Variants in NLK observed in about 807,000 individuals in gnomAD.
NLK encodes serine/threonine-protein kinase NLK.
In NLK, 11 loss-of-function variants were observed where a neutral mutation model predicts 59.0. That is an observed-to-expected ratio of 0.19 (90% confidence interval 0.12 to 0.31). NLK has a LOEUF of 0.31. Ranked by LOEUF, NLK falls within the 10% of genes least tolerant of loss-of-function variation. NLK has a pLI of 1.00. For synonymous variants in NLK, 235 were observed against 235.9 expected, an observed-to-expected ratio of 1.00 and a Z score of 0.03; for missense variants, 410 against 661.1, an observed-to-expected ratio of 0.62 and a Z score of 4.16.
chr17:28,135,310 G>A (rs1906697386), intron 3 of NLK, among the ~76,000 whole-genome samples: 1 of 152,218 alleles, frequency 6.6e-6, no homozygotes, highest in Non-Finnish European at 1.5e-5. Flanking sequence ...TTCCCTTGGT[G>A]TTCAAGGTTT....
intron 3 of NLK, among the ~76,000 whole-genome samples, chr17:28,135,518 A>T (rs985582243): frequency 6.6e-6 from 1 of 152,224 alleles, no homozygotes; most frequent in African/African-American, 2.4e-5. Context: ...CCCCAGGTAT[A>T]CTAAGATACT....
chr17:28,159,384 T>C (rs1015290802), intron 3 of NLK, among the ~76,000 whole-genome samples: 1 of 152,162 alleles, frequency 6.6e-6, no homozygotes, highest in Non-Finnish European at 1.5e-5. Flanking sequence ...TGGATAGATG[T>C]GTGACAAAGC....
chr17:28,123,599 G>A (rs2142820513), intron 2 of NLK, among the ~76,000 whole-genome samples: 1 of 152,210 alleles, frequency 6.6e-6, no homozygotes, highest in South Asian at 2.1e-4. Flanking sequence ...GATTTTAAGT[G>A]CTTTATTTTT....
At chr17:28,086,569 T>C (rs936857008) in intron 1 of NLK, among the ~76,000 whole-genome samples, 1 of 152,160 alleles carries the variant, frequency 6.6e-6, no homozygotes, top group Non-Finnish European at 1.5e-5. Context: ...TTAGCAAACC[T>C]ACATAACTGA....
chr17:28,120,337 G>C (rs1905989297), intron 1 of NLK, among the ~76,000 whole-genome samples: 1 of 151,468 alleles, frequency 6.6e-6, no homozygotes, highest in Non-Finnish European at 1.5e-5. Context: ...CAAACTCCTG[G>C]CCTCAAGTGA....
chr17:28,204,636 C>G, the NLK span, among the ~76,000 whole-genome samples: 9 of 152,196 alleles, frequency 5.9e-5, no homozygotes, highest in Non-Finnish European at 1.2e-4. Flanking sequence ...AGTGAAGAAA[C>G]AGACAAAAAC....
intron 2 of NLK, among the ~76,000 whole-genome samples, chr17:28,127,474 C>A (rs564451729): frequency 6.6e-6 from 1 of 152,196 alleles, no homozygotes; most frequent in Non-Finnish European, 1.5e-5. Context: ...ACTGTTGTGC[C>A]GCTAAGGAGT....
chr17:28,187,794 TTTG>T (rs1044727410), intron 8 of NLK, among the ~76,000 whole-genome samples: 23 of 152,262 alleles, frequency 1.5e-4, no homozygotes, highest in African/African-American at 5.1e-4. Flanking sequence ...TTAAATGAAA[TTTG>T]TGGTGTAGTT....
At chr17:28,063,642 A>G (rs1382844703) in intron 1 of NLK, among the ~76,000 whole-genome samples, 4 of 152,178 alleles carry the variant, frequency 2.6e-5, no homozygotes. Context: ...TATATAGTCA[A>G]ACTTGTAGAA....
chr17:28,185,210 G>C lies in NLK; in HGVS notation c.1181G>C (p.Ser394Thr), dbSNP rs780808743. The C allele has an allele frequency of 6.3e-7, 1 of 1,595,110 alleles. No individual in the cohort carries two copies. The highest frequency in any genetic ancestry group is 8.5e-7 in the Non-Finnish European group (1 of 1,169,798). Residue 394 changes from serine to threonine, a missense_variant, in exon 8 of 11, where the codon AGC becomes ACC. This residue lies in a region of NLK where 150 missense variants were observed against 244.3 expected (regional missense o/e 0.61). Coordinates refer to ENST00000407008, the MANE Select transcript of NLK (RefSeq NM_016231.5). Reference sequence around the variant, plus strand: ...CTTCCTGTACTCTATACCCTGTCTAGCCAGGCTACACATGAAGCTGTTCAT... The same window carrying C: ...CTTCCTGTACTCTATACCCTGTCTACCCAGGCTACACATGAAGCTGTTCAT... The part of the protein sequence containing the change: ...PSLPVLYTLS[S>T]QATHEAVHLL...
At chr17:28,066,725 A>G (rs1909834567) in intron 1 of NLK, among the ~76,000 whole-genome samples, 1 of 152,214 alleles carries the variant, frequency 6.6e-6, no homozygotes, top group Non-Finnish European at 1.5e-5. Flanking sequence ...ATTCCCACCA[A>G]CAAGGTATAA....
intron 1 of NLK, among the ~76,000 whole-genome samples, chr17:28,057,327 G>A (rs921758343): frequency 6.6e-6 from 1 of 152,152 alleles, no homozygotes; most frequent in Non-Finnish European, 1.5e-5. Flanking sequence ...GACTTATACA[G>A]TGTTAAGAAA....
At chr17:28,130,286 T>C (rs765493504) in intron 2 of NLK, among the ~76,000 whole-genome samples, 29 of 152,306 alleles carry the variant, frequency 1.9e-4, no homozygotes, top group Non-Finnish European at 3.5e-4. Flanking sequence ...TCTCACTTAC[T>C]CATTTACATT....
At chr17:28,051,681 G>T (rs1909263212) in intron 1 of NLK, among the ~76,000 whole-genome samples, 1 of 150,498 alleles carries the variant, frequency 6.6e-6, no homozygotes, top group Non-Finnish European at 1.5e-5. Context: ...AAACAATGGG[G>T]TAATAGATTA....
At chr17:28,054,098 G>A (rs1909357771) in intron 1 of NLK, among the ~76,000 whole-genome samples, 1 of 152,132 alleles carries the variant, frequency 6.6e-6, no homozygotes, top group Non-Finnish European at 1.5e-5. Flanking sequence ...CAGATGCGGA[G>A]GAAATTTGAG....
At position 28,182,992 on chromosome 17, in the gene NLK, C is replaced by G. The variant is rs539147965; in HGVS notation, c.1150-2187C>G. On this transcript the variant is annotated intron_variant, in intron 7 of 10. Transcript: ENST00000407008. ...AGCCCAGGAACTATGAAAGGCTGCT[C>G]TAGTCTGAGATTATATCCTAAAAAT... Among the ~76,000 whole-genome samples the G allele has an allele frequency of 2.6e-5, 4 of 152,314 alleles. No homozygotes were observed. The East Asian group carries it at 7.7e-4, about 29-fold the overall frequency.
Position 28,043,103 on chromosome 17 carries a change from C to A in NLK, c.230C>A (p.Ala77Glu), listed in dbSNP as rs750570222. Residue 77 changes from alanine (A) to glutamate (E), a missense_variant, in exon 1 of 11, where the codon GCA becomes GAA. Ala to Glu is a moderately radical substitution (Grantham distance 107, BLOSUM62 -1). Around this residue, in one of 5 missense-constraint regions of NLK, gnomAD observed 160 missense variants for 171.0 expected, o/e 0.94. Transcript: ENST00000407008. Reference protein sequence around the residue: ...HTSSAAAAAAAAAAAAAMLNP... With the variant: ...HTSSAAAAAAEAAAAAAMLNP... ...TCTTCGGCAGCTGCGGCAGCCGCAG[C>A]AGCGGCTGCAGCTGCAGCCATGTTA... The A allele has an allele frequency of 1.3e-6, 2 of 1,585,718 alleles. No individual in the cohort carries two copies. Among genetic ancestry groups the A allele is most frequent in the Admixed American group, 1.9e-5 (1 of 53,568 alleles).
intron 1 of NLK, among the ~76,000 whole-genome samples, chr17:28,099,263 T>A (rs563489427): frequency 7.2e-5 from 11 of 152,288 alleles, no homozygotes; most frequent in African/African-American, 2.4e-4. Flanking sequence ...GTTCCTTTTT[T>A]AAAATTAAGA....
At chr17:28,163,267 A>G (rs1908089326) in intron 4 of NLK, among the ~76,000 whole-genome samples, 1 of 152,208 alleles carries the variant, frequency 6.6e-6, no homozygotes, top group South Asian at 2.1e-4. Flanking sequence ...TATGGTCTTA[A>G]CTCGAGTGCC....
Sources: allele counts gnomAD v4.1 joint callset (sites outside exome capture counted in the v4.1 genomes callset), GRCh38; gene constraint gnomAD v4.1.1; regional missense constraint gnomAD v4.1.1; transcripts MANE v1.5; gene names NCBI Gene and HGNC (gene_info 2026-07-23, HGNC 2026-07-21).